TRPM6: variants seen among roughly 807,000 people sequenced by gnomAD.
TRPM6 encodes the protein channel kinase 2.
TRPM6 carries 111 observed loss-of-function variants against 247.6 expected under a neutral mutation model. The observed-to-expected ratio is 0.45, with a 90% confidence interval of 0.38 to 0.52. TRPM6 has a LOEUF of 0.52. Ranked by LOEUF, TRPM6 falls within the 20% of genes least tolerant of loss-of-function variation. The pLI, the probability that TRPM6 is intolerant of heterozygous loss-of-function variation, is 0.00. For synonymous variants in TRPM6, 892 were observed against 853.8 expected (o/e 1.04, Z -0.78); for missense variants, 2,126 against 2,421.5 (o/e 0.88, Z 2.56).
At chr9:74,742,753 C>T (rs1177762190) in intron 32 of TRPM6, 127 bp from the exon 33 acceptor site, 5 of 834,476 alleles carry the variant, frequency 6.0e-6, no homozygotes, top group Non-Finnish European at 3.9e-6. Context: ...TTGCCATTAT[C>T]AAAAATATAA....
At chr9:74,779,478 A>G (rs1453779740) in intron 23 of TRPM6, among the ~76,000 whole-genome samples, 1 of 152,116 alleles carries the variant, frequency 6.6e-6, no homozygotes, top group East Asian at 1.9e-4. Context: ...TTTTTAAAAG[A>G]ATTTTGATTT....
intron 17 of TRPM6, among the ~76,000 whole-genome samples, chr9:74,799,692 G>T (rs1167982026): frequency 6.6e-6 from 1 of 151,932 alleles, no homozygotes. Flanking sequence ...ATTATTGGAG[G>T]CAATAGCAAC....
chr9:74,850,312 T>C (rs1439086104), intron 3 of TRPM6, among the ~76,000 whole-genome samples: 3 of 151,786 alleles, frequency 2.0e-5, no homozygotes, highest in Non-Finnish European at 4.4e-5. Context: ...GTGGAAGTTA[T>C]AGTGAGGCGA....
chr9:74,856,732 A>G (rs952025093), intron 2 of TRPM6, among the ~76,000 whole-genome samples: 15 of 152,288 alleles, frequency 9.8e-5, no homozygotes, highest in African/African-American at 3.6e-4. Context: ...CAAAAATAAT[A>G]AAACAAACTT....
chr9:74,808,250 A>T, intron 13 of TRPM6, 76 bp from the exon 14 acceptor site: 1 of 1,573,304 alleles, frequency 6.4e-7, no homozygotes, highest in Non-Finnish European at 8.7e-7. Context: ...ATTAGAACAT[A>T]ATCAAATTAA....
At chr9:74,761,883 G>A in intron 26 of TRPM6, 75 bp from the exon 27 acceptor site, 9 of 1,493,614 alleles carry the variant, frequency 6.0e-6, no homozygotes, top group Non-Finnish European at 8.4e-6. Context: ...AAAAAGCTGA[G>A]AGAATGGGGA....
intron 28 of TRPM6, among the ~76,000 whole-genome samples, chr9:74,752,890 A>C (rs1288102126): frequency 6.6e-6 from 1 of 152,178 alleles, no homozygotes; most frequent in East Asian, 1.9e-4. Flanking sequence ...AGGCGGGTGG[A>C]TCACCCGAGG....
chr9:74,760,871 G>A (rs1773610924), intron 27 of TRPM6, among the ~76,000 whole-genome samples: 1 of 152,124 alleles, frequency 6.6e-6, no homozygotes, highest in Non-Finnish European at 1.5e-5. Flanking sequence ...GGAGGGGATA[G>A]GTTATTTATC....
chr9:74,820,462 G>A, intron 8 of TRPM6, 35 bp from the exon 9 acceptor site: 1 of 1,613,620 alleles, frequency 6.2e-7, no homozygotes, highest in Admixed American at 1.7e-5. Flanking sequence ...ACACAACCCA[G>A]AGAGGGGAAT....
intron 35 of TRPM6, among the ~76,000 whole-genome samples, 177 bp downstream of exon 35, chr9:74,739,190 A>G (rs568886304): frequency 6.6e-6 from 1 of 152,298 alleles, no homozygotes; most frequent in African/African-American, 2.4e-5. Flanking sequence ...ACACCAAGGT[A>G]TCTCTGGGGT....
At chr9:74,792,553 G>A (rs2056831910) in intron 19 of TRPM6, 71 bp downstream of exon 19, 1 of 1,504,842 alleles carries the variant, frequency 6.6e-7, no homozygotes, top group Middle Eastern at 1.7e-4. Flanking sequence ...GGCAAATCAG[G>A]CATATTATCA....
chr9:74,873,661 C>G (rs1831098293), intron 1 of TRPM6, among the ~76,000 whole-genome samples: 2 of 151,992 alleles, frequency 1.3e-5, no homozygotes, highest in Admixed American at 1.3e-4. Flanking sequence ...TAAGAATATC[C>G]CCTCCCCTAA....
chr9:74,753,521 C>A lies in TRPM6; in HGVS notation c.4907-1153G>T, dbSNP rs146858956. On this transcript the variant is annotated intron_variant, in intron 28 of 38. Coordinates refer to ENST00000360774, the MANE Select transcript of TRPM6 (RefSeq NM_017662.5). ...GACCAGCCTGGGTAACATAGTGAGA[C>A]CCCCATCTCTACAAAAATAAACAAA... Among the ~76,000 whole-genome samples, 1,121 of 152,064 alleles carry A rather than the reference C, an allele frequency of 7.4e-3. 8 individuals are homozygous for A. Among genetic ancestry groups the A allele is most frequent in the African/African-American group, 0.026 (1,070 of 41,490 alleles).
chr9:74,728,575 G>A (rs1001636771), intron 37 of TRPM6, among the ~76,000 whole-genome samples: 5 of 152,106 alleles, frequency 3.3e-5, no homozygotes, highest in Admixed American at 1.3e-4. Context: ...GCATTTCAAC[G>A]GCATTTCAAC....
At chr9:74,845,780 T>C (rs1305637607) in intron 3 of TRPM6, among the ~76,000 whole-genome samples, 1 of 151,930 alleles carries the variant, frequency 6.6e-6, no homozygotes, top group Non-Finnish European at 1.5e-5. Flanking sequence ...TGAGCCGAAA[T>C]TACATCACTG....
intron 3 of TRPM6, 94 bp from the exon 4 acceptor site, chr9:74,842,437 A>G: frequency 7.8e-7 from 1 of 1,276,302 alleles, no homozygotes; most frequent in South Asian, 1.2e-5. Flanking sequence ...GATGCCATAT[A>G]CTATTTCTTA....
intron 17 of TRPM6, among the ~76,000 whole-genome samples, chr9:74,797,342 C>T (rs11144088): frequency 0.022 from 3,355 of 152,228 alleles, 53 homozygotes; most frequent in Non-Finnish European, 0.036. Context: ...CACCCCTGAC[C>T]CCCGACCCCA....
rs1394891176 is a variant in TRPM6, at chr9:74,850,911, G to T, written c.152+4616C>A. Among the ~76,000 whole-genome samples, 10 of 152,086 alleles carry T rather than the reference G, an allele frequency of 6.6e-5. 1 individual carries two copies. Among genetic ancestry groups the T allele is most frequent in the Admixed American group, 6.5e-4 (10 of 15,268 alleles). On this transcript the variant is annotated intron_variant, in intron 3 of 38. Transcript: ENST00000360774. ...AAGGGTCACCCTTCAAAATGAAGCAGCATCTATTCAAACACAAGACAAATA... is the reference window on the plus strand; with the variant it reads ...AAGGGTCACCCTTCAAAATGAAGCATCATCTATTCAAACACAAGACAAATA...
intron 29 of TRPM6, 95 bp downstream of exon 29, chr9:74,752,182 A>G (rs1321962701): frequency 1.4e-6 from 1 of 709,426 alleles, no homozygotes; most frequent in Non-Finnish European, 2.5e-6. Context: ...TAAAAAGTAG[A>G]AGCCAATTAA....
Sources: gnomAD v4.1 joint callset for allele counts (sites outside exome capture counted in the v4.1 genomes callset) on GRCh38, gnomAD v4.1.1 for gene constraint, MANE v1.5 for transcripts, NCBI Gene and HGNC (gene_info 2026-07-23, HGNC 2026-07-21) for gene names.